The following SNPH variants were observed in gnomAD, a reference collection of about 807,000 sequenced individuals.
The protein encoded by SNPH is syntaphilin.
In SNPH, 10 loss-of-function variants were observed where a neutral mutation model predicts 36.8. The ratio of observed to expected loss-of-function variants is 0.27; its 90% CI spans 0.17 to 0.46. The LOEUF is 0.46. SNPH is among the 20% of genes least tolerant of loss of function. SNPH has a pLI of 1.00. For missense variants in SNPH, 622 were observed against 744.0 expected, an observed-to-expected ratio of 0.84 and a Z score of 1.91; for synonymous variants, 281 against 312.2, an observed-to-expected ratio of 0.90 and a Z score of 1.05.
chr20:1,304,353 C>T lies in SNPH; in HGVS notation c.441-525C>T, dbSNP rs1391192789. Among the ~76,000 whole-genome samples the T allele has an allele frequency of 2.6e-5, 4 of 152,174 alleles. No homozygotes were observed. Among genetic ancestry groups the T allele is most frequent in the African/African-American group, 9.7e-5 (4 of 41,426 alleles). The stretch of plus-strand genomic sequence containing the variant: ...CCCAACATTGAAAGCTGTCATTTCT[C>T]TCCCCTGGGGTCTCTGGCCAAATAT... On this transcript the variant is annotated intron_variant, in intron 6 of 6. Coordinates refer to ENST00000381867, the MANE Select transcript of SNPH (RefSeq NM_001318234.2). The surrounding 1 kb of genome is among the most constrained non-coding windows in gnomAD (Gnocchi z 4.3).
At chr20:1,293,904 A>G (rs1052510499) in intron 2 of SNPH, among the ~76,000 whole-genome samples, 3 of 152,190 alleles carry the variant, frequency 2.0e-5, no homozygotes, top group Admixed American at 2.0e-4. Flanking sequence ...CAGCTCCAAG[A>G]CAAACCAGGC....
intron 2 of SNPH, among the ~76,000 whole-genome samples, chr20:1,267,605 C>T (rs1299133895): frequency 6.6e-6 from 1 of 152,224 alleles, no homozygotes; most frequent in Non-Finnish European, 1.5e-5. Flanking sequence ...TCTGTCTGCT[C>T]ATCTGTTAGA....
intron 2 of SNPH, among the ~76,000 whole-genome samples, chr20:1,281,800 T>C (rs993575924): frequency 6.6e-6 from 1 of 152,288 alleles, no homozygotes; most frequent in South Asian, 2.1e-4. Flanking sequence ...CAATAGACAC[T>C]TGGTAAATAT....
intron 2 of SNPH, among the ~76,000 whole-genome samples, chr20:1,289,552 C>G (rs1360177476): frequency 8.7e-6 from 1 of 115,554 alleles, no homozygotes; most frequent in East Asian, 2.4e-4. Flanking sequence ...CACACACACA[C>G]ACACAATGGA....
chr20:1,279,607 G>C (rs2088191005), intron 2 of SNPH, among the ~76,000 whole-genome samples: 1 of 144,568 alleles, frequency 6.9e-6, no homozygotes, highest in Non-Finnish European at 1.5e-5. Context: ...TTTCCTGAGA[G>C]ACTCCGGCTT....
chr20:1,284,811 G>A (rs2088265155), intron 2 of SNPH, among the ~76,000 whole-genome samples: 1 of 152,164 alleles, frequency 6.6e-6, no homozygotes, highest in Non-Finnish European at 1.5e-5. Context: ...GGGATGCACA[G>A]AACTTTACAT....
chr20:1,282,480 A>G (rs961221479), intron 2 of SNPH, among the ~76,000 whole-genome samples: 7 of 152,248 alleles, frequency 4.6e-5, no homozygotes, highest in African/African-American at 1.7e-4. Flanking sequence ...ATAACTGTGT[A>G]AACATAACAA....
At position 1,305,352 on chromosome 20, in the gene SNPH, C is replaced by T; in HGVS notation, c.915C>T (p.Ser305=). The change falls in exon 7 of 7, where the codon AGC becomes AGT. Residue 305 remains serine, a synonymous_variant. Transcript: ENST00000381867. ...TLSRTDALEA[S]SLLSSGVDCG... The stretch of plus-strand genomic sequence containing the variant: ...GCCGGACGGACGCGCTGGAAGCCAG[C>T]AGCCTGCTGTCGTCGGGGGTGGACT... 5.6e-6 allele frequency: 9 copies of T among 1,611,930 alleles called. No homozygotes were observed. Among genetic ancestry groups the T allele is most frequent in the Non-Finnish European group, 7.6e-6 (9 of 1,179,766 alleles).
chr20:1,293,640 C>G (rs953310902), intron 2 of SNPH, among the ~76,000 whole-genome samples: 5 of 152,174 alleles, frequency 3.3e-5, no homozygotes, highest in African/African-American at 1.2e-4. Flanking sequence ...CTTCTGCCCT[C>G]CCATGAGGGA....
intron 2 of SNPH, among the ~76,000 whole-genome samples, chr20:1,289,550 C>T (rs1013564723): frequency 1.6e-5 from 2 of 125,718 alleles, no homozygotes; most frequent in East Asian, 4.0e-4. Context: ...CACACACACA[C>T]ACACACAATG....
chr20:1,279,348 C>A (rs1352268755), intron 2 of SNPH, among the ~76,000 whole-genome samples: 1 of 152,214 alleles, frequency 6.6e-6, no homozygotes, highest in Non-Finnish European at 1.5e-5. Flanking sequence ...GTCTATTTGA[C>A]AGCCACATAT....
chr20:1,279,243 T>C (rs1228874079), intron 2 of SNPH, among the ~76,000 whole-genome samples: 4 of 152,240 alleles, frequency 2.6e-5, no homozygotes, highest in African/African-American at 9.6e-5. Context: ...GTTAGTCTTT[T>C]AAATCTTAGC....
chr20:1,266,460 A>G lies in SNPH; in HGVS notation c.-600+63A>G. 1 of 724,476 alleles carries G rather than the reference A, an allele frequency of 1.4e-6. No homozygotes were observed. The highest frequency in any genetic ancestry group is 2.0e-6 in the Non-Finnish European group (1 of 492,380). The allele number at this position is 724,476 out of a possible 1,614,324, so 44.9% of individuals were successfully genotyped here. A position where few individuals can be genotyped will look rare whatever the true frequency, so the allele number is the denominator to read the frequency against. On this transcript the variant is annotated intron_variant, in intron 1 of 6. Coordinates refer to ENST00000381867, the MANE Select transcript of SNPH (RefSeq NM_001318234.2). The surrounding 1 kb of genome is among the most constrained non-coding windows in gnomAD (Gnocchi z 6.0). ...CCCAGCTGCACCCGCCGCAGTCCAG[A>G]GTGCCGAGTGCCAGGGGGTGGGGTG...
chr20:1,282,608 A>T (rs985147674), intron 2 of SNPH, among the ~76,000 whole-genome samples: 1 of 152,238 alleles, frequency 6.6e-6, no homozygotes. Flanking sequence ...ATGGGTATGT[A>T]CTACTTTTAC....
At chr20:1,297,474 C>G (rs929015725) in intron 5 of SNPH, among the ~76,000 whole-genome samples, 2 of 152,170 alleles carry the variant, frequency 1.3e-5, no homozygotes, top group South Asian at 4.1e-4. Flanking sequence ...ATACAGTGGC[C>G]TAAACAAACT....
intron 2 of SNPH, among the ~76,000 whole-genome samples, chr20:1,282,704 T>C (rs1325562354): frequency 1.4e-5 from 2 of 146,666 alleles, no homozygotes; most frequent in African/African-American, 2.4e-5. Context: ...AGTTATTCAT[T>C]TGTCTCTGGG....
chr20:1,272,782 G>T (rs150841697), intron 2 of SNPH, among the ~76,000 whole-genome samples: 1 of 152,364 alleles, frequency 6.6e-6, no homozygotes, highest in Non-Finnish European at 1.5e-5. Context: ...CCTGACTTTG[G>T]CAGCTTGTGA....
At chr20:1,303,900 G>C (rs2088535062) in intron 6 of SNPH, among the ~76,000 whole-genome samples, 1 of 152,122 alleles carries the variant, frequency 6.6e-6, no homozygotes, top group South Asian at 2.1e-4. Context: ...AAAATGCCCA[G>C]GACAGGGTTT....
At chr20:1,297,456 A>C (rs1217587106) in intron 5 of SNPH, among the ~76,000 whole-genome samples, 2 of 152,262 alleles carry the variant, frequency 1.3e-5, no homozygotes, top group Non-Finnish European at 2.9e-5. Flanking sequence ...ACAGCTGGAC[A>C]TAAAAAAATA....
Sources: gnomAD v4.1 joint callset for allele counts (sites outside exome capture counted in the v4.1 genomes callset) on GRCh38, gnomAD v4.1.1 for gene constraint, Gnocchi (gnomAD v3.1) non-coding constraint, MANE v1.5 for transcripts, NCBI Gene and HGNC (gene_info 2026-07-23, HGNC 2026-07-21) for gene names.